The following PXYLP1 variants were observed in gnomAD, a reference collection of about 807,000 sequenced individuals.
PXYLP1 encodes the protein 2-phosphoxylose phosphatase 1.
A neutral mutation model predicts 37.9 loss-of-function variants in PXYLP1; 17 were observed. That is an observed-to-expected ratio of 0.45 (90% CI 0.31 to 0.67). The LOEUF (loss-of-function observed/expected upper bound fraction) is 0.67. PXYLP1 is among the 30% of genes least tolerant of loss of function. The pLI is 0.07. For missense variants in PXYLP1, 511 were observed against 612.0 expected, an observed-to-expected ratio of 0.84 and a Z score of 1.74; for synonymous variants, 221 against 232.2, an observed-to-expected ratio of 0.95 and a Z score of 0.44.
chr3:141,246,175 G>A (rs1476082511), intron 1 of PXYLP1, among the ~76,000 whole-genome samples: 1 of 152,186 alleles, frequency 6.6e-6, no homozygotes, highest in Non-Finnish European at 1.5e-5. Flanking sequence ...AGTATTAAAA[G>A]AGAGCTCTCT....
chr3:141,273,598 G>A, intron 2 of PXYLP1: 1 of 985,426 alleles, frequency 1.0e-6, no homozygotes, highest in Non-Finnish European at 1.2e-6. Context: ...GCTTTTGAGA[G>A]GGAGGGTCCC....
Position 141,292,139 on chromosome 3 carries a change from A to C in PXYLP1, c.506-129A>C. 1 of 863,772 alleles carries C rather than the reference A, an allele frequency of 1.2e-6. No individual in the cohort carries two copies. The highest frequency in any genetic ancestry group is 1.8e-6 in the Non-Finnish European group (1 of 559,224). The allele number at this position is 863,772 out of a possible 1,614,324, so 53.5% of individuals were successfully genotyped here. A position where few individuals can be genotyped will look rare whatever the true frequency, so the allele number is the denominator to read the frequency against. ...AACTCGAGCTTGTAACTTCCACACC[A>C]TGGGGAAACAGGCTGGATGCCATTC... On this transcript the variant is annotated intron_variant, in intron 5 of 5. Coordinates refer to ENST00000286353, the MANE Select transcript of PXYLP1 (RefSeq NM_001037172.3). This position sits in a 1 kb window ranked among gnomAD's most constrained non-coding sequence, Gnocchi z 4.3.
chr3:141,286,494 G>C (rs914360992), intron 4 of PXYLP1, among the ~76,000 whole-genome samples: 1 of 152,312 alleles, frequency 6.6e-6, no homozygotes, highest in South Asian at 2.1e-4. Context: ...ATAAAGGATA[G>C]GGTAGATTTT....
chr3:141,278,190 G>A (rs1941843287), intron 2 of PXYLP1, 152 bp from the exon 3 acceptor site: 7 of 841,106 alleles, frequency 8.3e-6, no homozygotes, highest in Non-Finnish European at 1.3e-5. Flanking sequence ...AGCCCTTCTT[G>A]AATGGGAAGC....
chr3:141,262,324 C>T, intron 2 of PXYLP1: 14 of 1,009,804 alleles, frequency 1.4e-5, no homozygotes, highest in Non-Finnish European at 1.7e-5. Context: ...AAATCTGAAT[C>T]CTTTCCAAAA....
intron 2 of PXYLP1, chr3:141,261,900 T>C (rs930740370): frequency 6.6e-6 from 1 of 152,256 alleles, no homozygotes; most frequent in Non-Finnish European, 1.5e-5. Flanking sequence ...AGGAATTGTG[T>C]TGTTGCTGTC....
chr3:141,238,380 G>A (rs1940709399), intron 1 of PXYLP1, among the ~76,000 whole-genome samples: 1 of 152,200 alleles, frequency 6.6e-6, no homozygotes, highest in Non-Finnish European at 1.5e-5. Context: ...AGCTGGCACG[G>A]CCTCCAGCAA....
chr3:141,273,091 G>C (rs1941708267), intron 2 of PXYLP1: 2 of 985,300 alleles, frequency 2.0e-6, no homozygotes, highest in Admixed American at 6.1e-5. Flanking sequence ...GCCTGAGAAG[G>C]CTATTTTCTC....
chr3:141,248,081 G>C (rs1202750589), intron 1 of PXYLP1, among the ~76,000 whole-genome samples: 1 of 146,338 alleles, frequency 6.8e-6, no homozygotes, highest in African/African-American at 2.5e-5. Flanking sequence ...GGAGTGCAGT[G>C]GCGCAATTTT....
At chr3:141,259,391 A>AT (rs35796707) in intron 1 of PXYLP1, among the ~76,000 whole-genome samples, 115,090 of 147,276 alleles carry the variant, frequency 0.78, 45,232 homozygotes, top group African/African-American at 0.9. Context: ...GTAGTCATTC[A>AT]TTTTTTTTTT....
Position 141,284,895 on chromosome 3 carries a change from AT to A in PXYLP1, c.366-2417del, listed in dbSNP as rs1296326604. ...GAACTTATCGTATTCATTTCTACAG[AT>A]TATGGAAGGCTTGCTATTTTCATGA... On this transcript the variant is annotated intron_variant, in intron 4 of 5. Transcript: ENST00000286353. Among the ~76,000 whole-genome samples the A allele has an allele frequency of 2.0e-5, 3 of 152,152 alleles. No homozygotes were observed. The East Asian group carries it at 5.8e-4, about 29-fold the overall frequency.
intron 2 of PXYLP1, among the ~76,000 whole-genome samples, chr3:141,269,546 A>G (rs1003230823): frequency 1.3e-5 from 2 of 152,120 alleles, no homozygotes; most frequent in African/African-American, 4.8e-5. Flanking sequence ...GTTTCCAGGT[A>G]CTTTGGGTTC....
At chr3:141,247,563 T>C (rs992362252) in intron 1 of PXYLP1, among the ~76,000 whole-genome samples, 1 of 152,192 alleles carries the variant, frequency 6.6e-6, no homozygotes, top group African/African-American at 2.4e-5. Flanking sequence ...CTGTGGTTCA[T>C]TATCACAGAG....
At chr3:141,267,870 TCTCTCTCC>T (rs149331872) in intron 2 of PXYLP1, among the ~76,000 whole-genome samples, 1 of 149,758 alleles carries the variant, frequency 6.7e-6, no homozygotes, top group Non-Finnish European at 1.5e-5. Flanking sequence ...TCCCTCTCTG[TCTCTCTCC>T]CTCTCTCCCT....
intron 4 of PXYLP1, among the ~76,000 whole-genome samples, chr3:141,282,584 T>C (rs745431776): frequency 1.2e-4 from 19 of 152,096 alleles, no homozygotes; most frequent in Non-Finnish European, 2.5e-4. Flanking sequence ...AGATTTTTAT[T>C]TGTTTTTGTT....
chr3:141,279,356 A>G, intron 3 of PXYLP1, 22 bp from the exon 4 acceptor site: 1 of 1,614,000 alleles, frequency 6.2e-7, no homozygotes, highest in South Asian at 1.1e-5. Flanking sequence ...TGATAACCAG[A>G]CAATGTGCTT....
intron 2 of PXYLP1, among the ~76,000 whole-genome samples, chr3:141,269,281 C>T (rs915424457): frequency 6.6e-6 from 1 of 152,186 alleles, no homozygotes; most frequent in Non-Finnish European, 1.5e-5. Flanking sequence ...CCTGAGTGAC[C>T]ATCCGTCACC....
intron 4 of PXYLP1, among the ~76,000 whole-genome samples, chr3:141,284,143 A>G (rs1205822185): frequency 6.6e-6 from 1 of 152,102 alleles, no homozygotes; most frequent in Non-Finnish European, 1.5e-5. Context: ...ACCTTAAATA[A>G]CAAGGAAGTT....
intron 1 of PXYLP1, among the ~76,000 whole-genome samples, chr3:141,240,087 G>A (rs1474683598): frequency 6.6e-6 from 1 of 152,214 alleles, no homozygotes; most frequent in Non-Finnish European, 1.5e-5. Flanking sequence ...ATAGGTGATT[G>A]CTGGTGTTGG....
Sources: gnomAD v4.1 joint callset for allele counts (sites outside exome capture counted in the v4.1 genomes callset) on GRCh38, gnomAD v4.1.1 for gene constraint, Gnocchi (gnomAD v3.1) non-coding constraint, MANE v1.5 for transcripts, NCBI Gene and HGNC (gene_info 2026-07-23, HGNC 2026-07-21) for gene names.